ERMP1: variants seen among roughly 807,000 people sequenced by gnomAD.
The protein encoded by ERMP1 is Felix-ina.
Under a neutral mutation model 92.0 loss-of-function variants are expected in ERMP1, and 86 were observed. That is an observed-to-expected ratio of 0.93 (90% CI 0.79 to 1.12). The LOEUF (loss-of-function observed/expected upper bound fraction) is 1.12. Among genes scored for constraint, ERMP1 ranks in the 50% most tolerant of loss-of-function variants. The pLI, the probability that ERMP1 is intolerant of heterozygous loss-of-function variation, is 0.00. For missense variants in ERMP1, 1,342 were observed against 1,116.3 expected (o/e 1.20, Z -2.88); for synonymous variants, 530 against 412.8 (o/e 1.28, Z -3.44).
chr9:5,797,647 C>CA lies in ERMP1; in HGVS notation c.2386+169dup, dbSNP rs58936639. Among the ~76,000 whole-genome samples, 408 of 117,208 alleles carry CA rather than the reference C, an allele frequency of 3.5e-3. 1 individual carries two copies. The highest frequency in any genetic ancestry group is 0.019 in the Middle Eastern group (4 of 208). 76.9% of individuals were successfully genotyped at this position (117,208 alleles called of 152,430 possible). On this transcript the variant is annotated intron_variant, in intron 13 of 14. Coordinates refer to ENST00000339450, the MANE Select transcript of ERMP1 (RefSeq NM_024896.3). ...TGGGCGACAGAGCGAGACTCCATCTCAAAAAAAAAAAAAAAAGAAGTCATA... is the reference window on the plus strand; with the variant it reads ...TGGGCGACAGAGCGAGACTCCATCTCAAAAAAAAAAAAAAAAAGAAGTCATA...
chr9:5,851,331 T>G (rs1054700477), intron 6 of ERMP1, among the ~76,000 whole-genome samples: 3 of 152,234 alleles, frequency 2.0e-5, no homozygotes, highest in African/African-American at 7.2e-5. Flanking sequence ...TTTACCTATT[T>G]TTTACAGAGA....
intron 1 of ERMP1, 34 bp downstream of exon 1, chr9:5,832,656 C>G (rs1586829056): frequency 7.3e-7 from 1 of 1,364,564 alleles, no homozygotes; most frequent in Non-Finnish European, 9.4e-7. Flanking sequence ...CGCAAACGGA[C>G]GCGCGGGCCG....
intron 6 of ERMP1, among the ~76,000 whole-genome samples, chr9:5,846,978 G>A (rs1010036338): frequency 6.6e-6 from 1 of 152,150 alleles, no homozygotes; most frequent in Non-Finnish European, 1.5e-5. Flanking sequence ...GTTTCCCACA[G>A]GGGTGCGATG....
chr9:5,813,050 G>T lies in ERMP1; in HGVS notation c.875-15C>A. On this transcript the variant is annotated splice_polypyrimidine_tract_variant and intron_variant, in intron 4 of 14. Transcript: ENST00000339450. ...ATTTTCAGGACCTAAAATGAAAGAT[G>T]ACAACACAATAGAAGGTATTCCGGC... 6.2e-7 allele frequency: 1 copy of T among 1,612,192 alleles called. No homozygotes were observed. Among genetic ancestry groups the T allele is most frequent in the South Asian group, 1.1e-5 (1 of 90,828 alleles).
intron 6 of ERMP1, among the ~76,000 whole-genome samples, chr9:5,846,352 C>A (rs1268250981): frequency 2.0e-5 from 3 of 152,134 alleles, no homozygotes. Flanking sequence ...CCTAGCTCTG[C>A]TACTAATTTG....
chr9:5,823,849 C>T (rs779385749), intron 4 of ERMP1, 47 bp downstream of exon 4: 3 of 1,323,330 alleles, frequency 2.3e-6, no homozygotes, highest in African/African-American at 3.0e-5. Flanking sequence ...TCTACTTTTA[C>T]AAAAACTAGA....
intron 5 of ERMP1, among the ~76,000 whole-genome samples, chr9:5,859,641 G>A (rs750880395): frequency 2.6e-5 from 4 of 152,128 alleles, no homozygotes; most frequent in African/African-American, 7.2e-5. Context: ...GGAAAATAGA[G>A]GCACATGTGC....
At chr9:5,792,287 C>A (rs552993013) in intron 13 of ERMP1, among the ~76,000 whole-genome samples, 5 of 152,084 alleles carry the variant, frequency 3.3e-5, no homozygotes, top group African/African-American at 1.2e-4. Context: ...ATAATGAAAT[C>A]GATATTTGAA....
chr9:5,837,920 T>C (rs1218219328), upstream of ERMP1, among the ~76,000 whole-genome samples: 3 of 151,936 alleles, frequency 2.0e-5, no homozygotes, highest in South Asian at 2.1e-4. Flanking sequence ...CTGGGAAACA[T>C]GGTAAAACCC....
chr9:5,822,753 TG>T (rs899737843), intron 4 of ERMP1, among the ~76,000 whole-genome samples: 6 of 152,174 alleles, frequency 3.9e-5, no homozygotes, highest in Admixed American at 3.9e-4. Flanking sequence ...AATTTTAGTA[TG>T]CCCCCACTAA....
At chr9:5,858,422 A>G (rs1830411174) in intron 6 of ERMP1, among the ~76,000 whole-genome samples, 1 of 152,232 alleles carries the variant, frequency 6.6e-6, no homozygotes, top group Non-Finnish European at 1.5e-5. Flanking sequence ...CAAGAGCCAG[A>G]CAAAATATTC....
At chr9:5,815,692 T>C (rs1346954547) in intron 4 of ERMP1, among the ~76,000 whole-genome samples, 3 of 152,092 alleles carry the variant, frequency 2.0e-5, no homozygotes, top group African/African-American at 7.2e-5. Flanking sequence ...GATATTTACC[T>C]AAAGTATCTA....
intron 10 of ERMP1, 35 bp from the exon 11 acceptor site, chr9:5,801,363 A>C: frequency 6.3e-7 from 1 of 1,590,076 alleles, no homozygotes; most frequent in South Asian, 1.1e-5. Context: ...AAATATTACA[A>C]ATTCATTCTA....
At position 5,847,813 on chromosome 9, in the gene ERMP1, T is replaced by G. The variant is rs906455854; in HGVS notation, n.3199+11655A>C. On this transcript the variant is annotated intron_variant and non_coding_transcript_variant, in intron 6 of 6. Transcript: ENST00000690753. Reference sequence around the variant, plus strand: ...GGGAGGCTGAGGCAGGAGAATGGCGTGAACCCAGGAGGCGGAGCTTGCAGT... The same window carrying G: ...GGGAGGCTGAGGCAGGAGAATGGCGGGAACCCAGGAGGCGGAGCTTGCAGT... 4.3e-4 allele frequency among the ~76,000 whole-genome samples: 65 copies of G among 150,730 alleles called. 2 individuals are homozygous for G. In the East Asian group the frequency reaches 0.012, roughly 27 times the overall value.
intron 4 of ERMP1, among the ~76,000 whole-genome samples, chr9:5,822,615 C>G (rs1434149049): frequency 6.6e-6 from 1 of 152,166 alleles, no homozygotes; most frequent in Non-Finnish European, 1.5e-5. Flanking sequence ...TCTTACTTCA[C>G]CTAGCCCATC....
intron 6 of ERMP1, among the ~76,000 whole-genome samples, chr9:5,847,140 G>T (rs1317892521): frequency 6.6e-6 from 1 of 152,180 alleles, no homozygotes; most frequent in Non-Finnish European, 1.5e-5. Flanking sequence ...CTCACTGTTA[G>T]ATCTAGAAAA....
intron 13 of ERMP1, among the ~76,000 whole-genome samples, chr9:5,790,045 A>T (rs1181787201): frequency 6.6e-6 from 1 of 152,210 alleles, no homozygotes; most frequent in Admixed American, 6.5e-5. Flanking sequence ...AGGTGAAGTT[A>T]TAAGACAAAT....
At chr9:5,866,310 C>G (rs1187113837) in intron 5 of ERMP1, among the ~76,000 whole-genome samples, 2 of 152,114 alleles carry the variant, frequency 1.3e-5, no homozygotes, top group African/African-American at 4.8e-5. Flanking sequence ...TTTCGGGGAA[C>G]AGAACCAATA....
At chr9:5,858,474 G>T (rs1196784778) in intron 6 of ERMP1, among the ~76,000 whole-genome samples, 2 of 152,090 alleles carry the variant, frequency 1.3e-5, no homozygotes, top group East Asian at 3.9e-4. Flanking sequence ...CAAAGACAGG[G>T]GTTCCTATCA....
Sources: allele counts gnomAD v4.1 joint callset (sites outside exome capture counted in the v4.1 genomes callset), GRCh38; gene constraint gnomAD v4.1.1; transcripts MANE v1.5; gene names NCBI Gene and HGNC (gene_info 2026-07-23, HGNC 2026-07-21).